Variants in PDE4D observed in about 807,000 individuals in gnomAD.
The protein encoded by PDE4D is phosphodiesterase 4D.
A neutral mutation model predicts 87.4 loss-of-function variants in PDE4D; 24 were observed. That is an observed-to-expected ratio of 0.27 (90% confidence interval 0.20 to 0.39). PDE4D has a LOEUF of 0.39. PDE4D is among the 10% of genes least tolerant of loss of function. The pLI is 1.00. For missense variants in PDE4D, 714 were observed against 1,041.0 expected, an observed-to-expected ratio of 0.69 and a Z score of 4.32; for synonymous variants, 384 against 383.2, an observed-to-expected ratio of 1.00 and a Z score of -0.02.
At chr5:59,127,678 G>A (rs1309212954) in intron 5 of PDE4D, among the ~76,000 whole-genome samples, 1 of 143,524 alleles carries the variant, frequency 7.0e-6, no homozygotes, top group Non-Finnish European at 1.5e-5. Context: ...GCAATTGCTT[G>A]GTGTGGTTTC....
intron 3 of PDE4D, among the ~76,000 whole-genome samples, chr5:59,912,563 T>A (rs1298418235): frequency 6.6e-6 from 1 of 152,202 alleles, no homozygotes; most frequent in Non-Finnish European, 1.5e-5. Context: ...ATCAGTTAAT[T>A]TTGTGTTTTT....
At chr5:59,679,094 A>T (rs1041900967) in intron 1 of PDE4D, among the ~76,000 whole-genome samples, 2 of 152,200 alleles carry the variant, frequency 1.3e-5, no homozygotes, top group Non-Finnish European at 2.9e-5. Flanking sequence ...GCAAAAGGCA[A>T]TTATAATAAA....
intron 5 of PDE4D, among the ~76,000 whole-genome samples, chr5:59,136,802 T>C (rs1374782137): frequency 6.6e-6 from 1 of 152,228 alleles, no homozygotes; most frequent in Non-Finnish European, 1.5e-5. Context: ...CTGAGAAATG[T>C]GCTGGTCCAA....
intron 1 of PDE4D, among the ~76,000 whole-genome samples, chr5:59,279,850 G>A (rs1448086642): frequency 1.3e-5 from 2 of 151,676 alleles, no homozygotes; most frequent in African/African-American, 4.8e-5. Context: ...AGAAAGAAAA[G>A]AGGAAGAGAA....
intron 1 of PDE4D, among the ~76,000 whole-genome samples, chr5:59,766,093 A>G (rs1440214233): frequency 2.6e-5 from 4 of 152,206 alleles, no homozygotes; most frequent in Admixed American, 2.6e-4. Flanking sequence ...TTTGAAACAT[A>G]TTTTCAAAAT....
intron 1 of PDE4D, among the ~76,000 whole-genome samples, chr5:60,276,084 G>C (rs923706760): frequency 3.3e-5 from 5 of 152,232 alleles, no homozygotes; most frequent in Non-Finnish European, 2.9e-5. Context: ...ATAGACACTT[G>C]GGGAAAATGT....
chr5:59,092,035 A>T (rs1768847552), intron 5 of PDE4D, among the ~76,000 whole-genome samples: 1 of 152,178 alleles, frequency 6.6e-6, no homozygotes, highest in Non-Finnish European at 1.5e-5. Flanking sequence ...ACTGCCAAAC[A>T]AGTCTGGTTT....
chr5:59,221,940 G>A (rs1331141683), intron 1 of PDE4D, among the ~76,000 whole-genome samples: 1 of 152,174 alleles, frequency 6.6e-6, no homozygotes, highest in African/African-American at 2.4e-5. Flanking sequence ...GAGGAGGAAT[G>A]ATATAGCTAT....
chr5:59,675,848 C>T (rs115021351), intron 1 of PDE4D, among the ~76,000 whole-genome samples: 4,446 of 152,062 alleles, frequency 0.029, 185 homozygotes, highest in African/African-American at 0.092. Context: ...TGCCACAACA[C>T]CTGGATAATT....
chr5:59,168,978 T>C (rs1004364204), intron 5 of PDE4D, among the ~76,000 whole-genome samples: 1 of 152,226 alleles, frequency 6.6e-6, no homozygotes, highest in Non-Finnish European at 1.5e-5. Context: ...ATCTAGAGTG[T>C]TTGGTACATT....
chr5:60,257,620 T>C lies in PDE4D; in HGVS notation c.-89-71933A>G, dbSNP rs1201938137. On this transcript the variant is annotated intron_variant, in intron 1 of 16. Coordinates refer to the PDE4D transcript ENST00000502484. ...ACTGCAGAGATCTTATATTGACTTTTGTTACATCCAGGGATTTGAGAGGTG... is the reference window on the plus strand; with the variant it reads ...ACTGCAGAGATCTTATATTGACTTTCGTTACATCCAGGGATTTGAGAGGTG... 2.6e-5 allele frequency among the ~76,000 whole-genome samples: 4 copies of C among 151,964 alleles called. No individual in the cohort carries two copies. The East Asian group carries it at 7.8e-4, about 29-fold the overall frequency.
intron 5 of PDE4D, among the ~76,000 whole-genome samples, chr5:59,119,544 C>T (rs76964615): frequency 1.1e-3 from 166 of 152,262 alleles, no homozygotes; most frequent in Middle Eastern, 0.01. Flanking sequence ...TTCTACCCTA[C>T]GTATAACTTG....
At chr5:59,531,132 A>G (rs556968723) in intron 1 of PDE4D, among the ~76,000 whole-genome samples, 8 of 152,354 alleles carry the variant, frequency 5.3e-5, no homozygotes, top group African/African-American at 1.9e-4. Flanking sequence ...ATCATCACAC[A>G]TGGTTCCCAG....
At chr5:59,843,847 C>T (rs1203399623) in intron 1 of PDE4D, among the ~76,000 whole-genome samples, 2 of 152,080 alleles carry the variant, frequency 1.3e-5, no homozygotes, top group African/African-American at 4.8e-5. Context: ...TTGCATGCTA[C>T]TTGCAATTGA....
At chr5:59,709,278 G>GA (rs1425617593) in intron 1 of PDE4D, among the ~76,000 whole-genome samples, 1 of 152,104 alleles carries the variant, frequency 6.6e-6, no homozygotes, top group Admixed American at 6.6e-5. Context: ...TCTATAAACA[G>GA]AAAATCTAAA....
At chr5:59,897,501 T>C (rs984609785), upstream of PDE4D, among the ~76,000 whole-genome samples, 1 of 152,108 alleles carries the variant, frequency 6.6e-6, no homozygotes, top group African/African-American at 2.4e-5. Context: ...GTGCTCAATG[T>C]GCAGGTTTGT....
At chr5:59,132,892 C>T (rs1327643359) in intron 5 of PDE4D, among the ~76,000 whole-genome samples, 5 of 152,182 alleles carry the variant, frequency 3.3e-5, no homozygotes, top group African/African-American at 1.2e-4. Context: ...AACAAGTCAA[C>T]ACTGTTCTGC....
Position 60,466,211 on chromosome 5 carries a change from C to T in PDE4D, c.-90+21731G>A, listed in dbSNP as rs368873286. ...ACAATCTTATTTTAAAACATAGGAACGAGATGGTCATAAATGAGAGGTTAC... is the reference window on the plus strand; with the variant it reads ...ACAATCTTATTTTAAAACATAGGAATGAGATGGTCATAAATGAGAGGTTAC... On this transcript the variant is annotated intron_variant, in intron 1 of 16. Coordinates refer to the PDE4D transcript ENST00000502484. Among the ~76,000 whole-genome samples, 6 of 152,068 alleles carry T rather than the reference C, an allele frequency of 3.9e-5. No homozygotes were observed. In the East Asian group the frequency reaches 9.6e-4, roughly 24 times the overall value.
intron 1 of PDE4D, among the ~76,000 whole-genome samples, chr5:59,479,326 C>T (rs1803848180): frequency 6.6e-6 from 1 of 152,074 alleles, no homozygotes; most frequent in Non-Finnish European, 1.5e-5. Flanking sequence ...TAAGTAGCTA[C>T]TGTACTACAT....
Sources: gnomAD v4.1 joint callset for allele counts (sites outside exome capture counted in the v4.1 genomes callset) on GRCh38, gnomAD v4.1.1 for gene constraint, MANE v1.5 for transcripts, NCBI Gene and HGNC (gene_info 2026-07-23, HGNC 2026-07-21) for gene names.